Variants in NYAP2 observed in about 807,000 individuals in gnomAD.
NYAP2 encodes the protein neuronal tyrosine-phosphorylated phosphoinositide-3-kinase adaptor 2, also known as neuronal tyrosine-phosphorylated phosphoinositide-3-kinase adapter 2.
In NYAP2, 23 loss-of-function variants were observed where a neutral mutation model predicts 50.4. The ratio of observed to expected loss-of-function variants is 0.46; its 90% CI spans 0.33 to 0.65. The LOEUF is 0.65. Ranked by LOEUF, NYAP2 falls within the 30% of genes least tolerant of loss-of-function variation. The pLI, the probability that NYAP2 is intolerant of heterozygous loss-of-function variation, is 0.02. For synonymous variants in NYAP2, 394 were observed against 365.2 expected (o/e 1.08, Z -0.90); for missense variants, 885 against 861.0 (o/e 1.03, Z -0.35).
At chr2:225,490,874 C>G (rs1690392229) in intron 3 of NYAP2, among the ~76,000 whole-genome samples, 1 of 152,208 alleles carries the variant, frequency 6.6e-6, no homozygotes, top group Non-Finnish European at 1.5e-5. Flanking sequence ...CAACTCATGA[C>G]TGTTAAAAGA....
intron 6 of NYAP2, among the ~76,000 whole-genome samples, chr2:225,634,940 T>C (rs779611266): frequency 2.0e-5 from 3 of 152,198 alleles, no homozygotes; most frequent in Non-Finnish European, 4.4e-5. Flanking sequence ...GCAATTGAAC[T>C]CAAAAGCACA....
intron 3 of NYAP2, among the ~76,000 whole-genome samples, chr2:225,418,950 T>A (rs1420672531): frequency 6.6e-6 from 1 of 152,228 alleles, no homozygotes; most frequent in East Asian, 1.9e-4. Context: ...AACACAGTAT[T>A]GTTAACTACA....
intron 4 of NYAP2, among the ~76,000 whole-genome samples, chr2:225,577,148 T>C (rs1166355914): frequency 6.6e-6 from 1 of 152,208 alleles, no homozygotes; most frequent in Non-Finnish European, 1.5e-5. Flanking sequence ...ATAACCTTTG[T>C]GCTCACATAG....
intron 6 of NYAP2, among the ~76,000 whole-genome samples, chr2:225,632,901 C>T (rs1344819428): frequency 6.6e-6 from 1 of 152,098 alleles, no homozygotes; most frequent in Middle Eastern, 3.2e-3. Context: ...AACTATTGAA[C>T]ACAAATTAAT....
Position 225,409,109 on chromosome 2 carries a change from T to G in NYAP2, c.221+8T>G. 2 of 1,542,782 alleles carry G rather than the reference T, an allele frequency of 1.3e-6. No individual in the cohort carries two copies. Among genetic ancestry groups the G allele is most frequent in the Non-Finnish European group, 1.8e-6 (2 of 1,138,312 alleles). Reference sequence around the variant, plus strand: ...AGAAGAAGCAATAAAGCGGTAAATATAAATAAAATTATTTTGAGTTTTGTG... The same window carrying G: ...AGAAGAAGCAATAAAGCGGTAAATAGAAATAAAATTATTTTGAGTTTTGTG... On this transcript the variant is annotated splice_region_variant and intron_variant, in intron 3 of 6. Transcript: ENST00000636099.
At chr2:225,507,493 T>A (rs1690728326) in intron 3 of NYAP2, among the ~76,000 whole-genome samples, 1 of 152,240 alleles carries the variant, frequency 6.6e-6, no homozygotes, top group African/African-American at 2.4e-5. Flanking sequence ...CTTTTCTTTA[T>A]CGGTCCTAAT....
chr2:225,569,443 G>A (rs975827140), intron 4 of NYAP2, among the ~76,000 whole-genome samples: 2 of 152,072 alleles, frequency 1.3e-5, no homozygotes, highest in African/African-American at 4.8e-5. Flanking sequence ...GAGTGAGGGG[G>A]GGAGGTGAGA....
At chr2:225,517,123 CT>C (rs1319478702) in intron 4 of NYAP2, among the ~76,000 whole-genome samples, 1 of 152,100 alleles carries the variant, frequency 6.6e-6, no homozygotes, top group African/African-American at 2.4e-5. Flanking sequence ...AATTGTAACT[CT>C]GTTACATTAA....
chr2:225,592,612 G>A (rs182185384), intron 5 of NYAP2, among the ~76,000 whole-genome samples: 7 of 152,202 alleles, frequency 4.6e-5, no homozygotes, highest in African/African-American at 1.2e-4. Context: ...AAAATTCCTT[G>A]ATTTTGAAAA....
At chr2:225,577,803 C>T (rs1295657177) in intron 4 of NYAP2, among the ~76,000 whole-genome samples, 1 of 77,878 alleles carries the variant, frequency 1.3e-5, no homozygotes, top group Non-Finnish European at 2.5e-5. Flanking sequence ...GAATGAAAAG[C>T]AGATTTTTTT....
At chr2:225,569,842 G>A (rs1040779902) in intron 4 of NYAP2, among the ~76,000 whole-genome samples, 2 of 152,180 alleles carry the variant, frequency 1.3e-5, no homozygotes, top group Admixed American at 6.5e-5. Flanking sequence ...TTAGGTTATG[G>A]AACCTAATAT....
chr2:225,560,599 T>C (rs1691854103), intron 4 of NYAP2, among the ~76,000 whole-genome samples: 1 of 152,108 alleles, frequency 6.6e-6, no homozygotes, highest in South Asian at 2.1e-4. Context: ...TTCCTATCAA[T>C]AGTATATTGC....
At chr2:225,446,244 CTCTATATATATATA>C (rs1201371437) in intron 3 of NYAP2, among the ~76,000 whole-genome samples, 24 of 112,148 alleles carry the variant, frequency 2.1e-4, no homozygotes, top group African/African-American at 6.0e-4. Context: ...CTCTCTCTCT[CTCTATATATATATA>C]TATATATATA....
chr2:225,600,927 A>G (rs1692680675), intron 5 of NYAP2, among the ~76,000 whole-genome samples: 2 of 152,158 alleles, frequency 1.3e-5, no homozygotes, highest in Admixed American at 6.5e-5. Flanking sequence ...TTTTAGGGAT[A>G]TACCACATTG....
intron 3 of NYAP2, among the ~76,000 whole-genome samples, chr2:225,494,424 C>T (rs764400541): frequency 1.3e-5 from 2 of 152,150 alleles, no homozygotes; most frequent in African/African-American, 2.4e-5. Flanking sequence ...ACATCCAGTC[C>T]CATTCATTGT....
chr2:225,636,695 A>G (rs981640875), intron 6 of NYAP2, among the ~76,000 whole-genome samples: 4 of 152,146 alleles, frequency 2.6e-5, no homozygotes, highest in Non-Finnish European at 5.9e-5. Context: ...ATAGAGTGAG[A>G]TGGAAGTGAC....
the NYAP2 span, among the ~76,000 whole-genome samples, chr2:225,676,832 T>TC: frequency 6.6e-6 from 1 of 152,202 alleles, no homozygotes; most frequent in Admixed American, 6.6e-5. Flanking sequence ...TAGTTTGAAG[T>TC]CAGGCAATGT....
At chr2:225,567,058 G>T (rs995362867) in intron 4 of NYAP2, among the ~76,000 whole-genome samples, 3 of 152,118 alleles carry the variant, frequency 2.0e-5, no homozygotes, top group Admixed American at 2.0e-4. Context: ...AACCCAGACG[G>T]CATAGCTTTG....
chr2:225,575,462 C>T (rs888188715), intron 4 of NYAP2, among the ~76,000 whole-genome samples: 5 of 152,184 alleles, frequency 3.3e-5, no homozygotes, highest in African/African-American at 1.2e-4. Context: ...GATGGCTTAC[C>T]ACTGAGCCAA....
Sources: gnomAD v4.1 joint callset for allele counts (sites outside exome capture counted in the v4.1 genomes callset) on GRCh38, gnomAD v4.1.1 for gene constraint, MANE v1.5 for transcripts, NCBI Gene and HGNC (gene_info 2026-07-23, HGNC 2026-07-21) for gene names.